The following CHTF18 variants were observed in gnomAD, a reference collection of about 807,000 sequenced individuals.
CHTF18 encodes chromosome transmission fidelity factor 18.
Under a neutral mutation model 113.4 loss-of-function variants are expected in CHTF18, and 151 were observed. The observed-to-expected ratio is 1.33, with a 90% confidence interval of 1.17 to 1.52. The LOEUF (loss-of-function observed/expected upper bound fraction) is 1.52. CHTF18 is among the 40% of genes most tolerant of loss of function. The pLI, the probability that CHTF18 is intolerant of heterozygous loss-of-function variation, is 0.00. For missense variants in CHTF18, 1,982 were observed against 1,381.6 expected (o/e 1.43, Z -6.89); for synonymous variants, 916 against 598.8 (o/e 1.53, Z -7.74).
chr16:789,022 G>A lies in CHTF18; in HGVS notation c.183G>A (p.Ala61=). Residue 61 remains alanine, a synonymous_variant, in exon 2 of 22, where the codon GCG becomes GCA. Transcript: ENST00000262315. ...AGGAGGCCCTTGCCAGAGGGGACGCGGCCTCCAGTCCCGCCCCAGCCGCAT... is the reference window on the plus strand; with the variant it reads ...AGGAGGCCCTTGCCAGAGGGGACGCAGCCTCCAGTCCCGCCCCAGCCGCAT... ...TFEEALARGD[A]ASSPAPAASV... 1 of 1,537,340 alleles carries A rather than the reference G, an allele frequency of 6.5e-7. No homozygotes were observed. The highest frequency in any genetic ancestry group is 8.7e-7 in the Non-Finnish European group (1 of 1,143,600).
chr16:793,944 G>A lies in CHTF18; in HGVS notation c.1803-110G>A, dbSNP rs1016752686. On this transcript the variant is annotated intron_variant, in intron 14 of 21. Coordinates refer to ENST00000262315, the MANE Select transcript of CHTF18 (RefSeq NM_022092.3). ...GAGGCAGCAAGGGCCCTGCTGAGAA[G>A]AATGAAGTGGGTGGCAGCTCTGATG... 4.7e-6 allele frequency: 6 copies of A among 1,281,408 alleles called. No individual in the cohort carries two copies. The African/African-American group carries it at 7.3e-5, about 16-fold the overall frequency. 79.4% of individuals were successfully genotyped at this position (1,281,408 alleles called of 1,614,324 possible). A position where few individuals can be genotyped will look rare whatever the true frequency, so the allele number is the denominator to read the frequency against.
chr16:794,088 GAC>G lies in CHTF18; in HGVS notation c.1842_1843del (p.Leu615ProfsTer4). On this transcript the variant is annotated frameshift_variant, in exon 15 of 22. Transcript: ENST00000262315. LOFTEE classifies it high-confidence loss of function. ...GGGCCAGGACCCCGCCCTGCCTGCT[GAC>G]ACACTCCTGCTGGGTGACGGGGACG... ...RVGQDPALPADTLLLGDGDAG... is the reference protein window; with the variant it reads ...RVGQDPALPAXTLLLGDGDAG... 2 of 1,612,324 alleles carry G rather than the reference GAC, an allele frequency of 1.2e-6. No homozygotes were observed. The highest frequency in any genetic ancestry group is 1.7e-6 in the Non-Finnish European group (2 of 1,179,734).
At chr16:789,458 G>T (rs1380663175) in intron 3 of CHTF18, 89 bp from the exon 4 acceptor site, 29 of 1,537,066 alleles carry the variant, frequency 1.9e-5, no homozygotes, top group East Asian at 9.0e-5. Context: ...GGTGGGGAGG[G>T]TTCCATGGCT....
chr16:794,307 G>T, intron 15 of CHTF18, 106 bp downstream of exon 15: 3 of 1,347,154 alleles, frequency 2.2e-6, no homozygotes, highest in Non-Finnish European at 3.0e-6. Context: ...GCGCTTTGGG[G>T]GTGCTGAGAG....
rs1829209252 is a variant in CHTF18, at chr16:792,324, G to A, written c.1303G>A (p.Asp435Asn). The change falls in exon 10 of 22, where the codon GAT (aspartate) becomes AAT (asparagine). Residue 435 changes from aspartate to asparagine, a missense_variant. Transcript: ENST00000262315. Reference sequence around the variant, plus strand: ...CGGGAAGCCCAACTGCCTGGTCATCGATGAGATCGACGGGGCCCCCGTGGT... The same window carrying A: ...CGGGAAGCCCAACTGCCTGGTCATCAATGAGATCGACGGGGCCCCCGTGGT... ...AGGKPNCLVI[D>N]EIDGAPVAAI... 2 of 1,552,872 alleles carry A rather than the reference G, an allele frequency of 1.3e-6. No individual in the cohort carries two copies. Among genetic ancestry groups the A allele is most frequent in the Non-Finnish European group, 8.7e-7 (1 of 1,148,582 alleles).
chr16:792,049 G>C, intron 9 of CHTF18, 101 bp downstream of exon 9: 3 of 1,545,648 alleles, frequency 1.9e-6, no homozygotes, highest in Non-Finnish European at 2.6e-6. Context: ...CGTCTTGAGG[G>C]TGGTGGGGGC....
intron 8 of CHTF18, 99 bp downstream of exon 8, chr16:791,469 G>A: frequency 2.1e-6 from 3 of 1,462,060 alleles, no homozygotes; most frequent in East Asian, 2.5e-5. Context: ...AGCCGTGGGT[G>A]TGGTGACGTG....
chr16:792,597 G>C lies in CHTF18; in HGVS notation c.1478+7G>C. The C allele has an allele frequency of 6.3e-7, 1 of 1,594,886 alleles. No homozygotes were observed. Among genetic ancestry groups the C allele is most frequent in the South Asian group, 1.1e-5 (1 of 89,914 alleles). On this transcript the variant is annotated splice_region_variant and intron_variant, in intron 11 of 21. Transcript: ENST00000262315. Reference sequence around the variant, plus strand: ...TCTGCATTTGCAATGACCAGTGAGTGCATGGGCGGGCGCCACAGTCAGGAG... The same window carrying C: ...TCTGCATTTGCAATGACCAGTGAGTCCATGGGCGGGCGCCACAGTCAGGAG...
rs764039390 is a variant in CHTF18, at chr16:789,623, C to T, written c.514C>T (p.Pro172Ser). ...AARNPVLRRP[P>S]ILEDYVHVTS... Reference sequence around the variant, plus strand: ...CCGCAATCCCGTCCTGAGGCGGCCCCCCATCTTGGAGGACTACGTCCACGT... The same window carrying T: ...CCGCAATCCCGTCCTGAGGCGGCCCTCCATCTTGGAGGACTACGTCCACGT... The change falls in exon 4 of 22, where the codon CCC becomes TCC. Residue 172 changes from proline (P) to serine (S), a missense_variant. Physicochemically the swap from Pro to Ser is moderately conservative, Grantham distance 74 (BLOSUM62 -1). Transcript: ENST00000262315. The T allele has an allele frequency of 9.9e-6, 16 of 1,608,572 alleles. No individual in the cohort carries two copies. The highest frequency in any genetic ancestry group is 1.6e-4 in the Middle Eastern group (1 of 6,082).
In CHTF18 at chr16:796,735, C is replaced by T. The variant is rs1596773268; in HGVS notation, c.2475C>T (p.Cys825=). 3 of 1,602,486 alleles carry T rather than the reference C, an allele frequency of 1.9e-6. No individual in the cohort carries two copies. Among genetic ancestry groups the T allele is most frequent in the Middle Eastern group, 1.7e-4 (1 of 6,046 alleles). The change falls in exon 19 of 22, where the codon TGC becomes TGT. Residue 825 remains cysteine (C), a synonymous_variant. Transcript: ENST00000262315. The part of the protein sequence containing the change: ...YRLEPNVEEL[C]RFPELPARKP... Reference sequence around the variant, plus strand: ...TGAGCAGGAACGTGGAGGAACTCTGCCGCTTCCCTGAGCTGCCTGCCCGCA... The same window carrying T: ...TGAGCAGGAACGTGGAGGAACTCTGTCGCTTCCCTGAGCTGCCTGCCCGCA...
chr16:792,008 T>C (rs776644107), intron 9 of CHTF18, 60 bp downstream of exon 9: 8 of 1,558,538 alleles, frequency 5.1e-6, no homozygotes, highest in Non-Finnish European at 6.9e-6. Context: ...TGAGTTCTGG[T>C]GGCGGACCTG....
At position 795,852 on chromosome 16, in the gene CHTF18, G is replaced by A. The variant is rs1392886321; in HGVS notation, c.2325+18G>A. ...TCCGCCCCGTGAGTGCCGTCCCCGG[G>A]GTGGGGGATTCCCCGCCTGCTGCCC... On this transcript the variant is annotated intron_variant, in intron 17 of 21. Coordinates refer to ENST00000262315, the MANE Select transcript of CHTF18 (RefSeq NM_022092.3). The A allele has an allele frequency of 3.1e-6, 5 of 1,607,878 alleles. No individual in the cohort carries two copies. Among genetic ancestry groups the A allele is most frequent in the Non-Finnish European group, 3.4e-6 (4 of 1,177,640 alleles).
At chr16:791,669 AG>A in intron 8 of CHTF18, 181 bp from the exon 9 acceptor site, 1 of 1,426,628 alleles carries the variant, frequency 7.0e-7, no homozygotes, top group South Asian at 1.5e-5. Context: ...TGCTTTGTGT[AG>A]GTTTTTTTTT....
rs190105039 is a variant in CHTF18 at position 797,913 on chromosome 16, C to G, written c.2866C>G (p.Arg956Gly). Residue 956 changes from arginine (R) to glycine (G), a missense_variant, in exon 22 of 22, where the codon CGC (arginine) becomes GGC (glycine). Physicochemically the swap from Arg to Gly is moderately radical, Grantham distance 125. Coordinates refer to ENST00000262315, the MANE Select transcript of CHTF18 (RefSeq NM_022092.3). Reference protein sequence around the residue: ...TAVGRSEVWFRFNEGVSNAVR... With the variant: ...TAVGRSEVWFGFNEGVSNAVR... ...GGTGGGCAGGAGCGAGGTCTGGTTC[C>G]GCTTCAACGAGGGTGTCTCCAACGC... 4 of 1,612,150 alleles carry G rather than the reference C, an allele frequency of 2.5e-6. No homozygotes were observed. The highest frequency in any genetic ancestry group is 3.4e-6 in the Non-Finnish European group (4 of 1,179,710).
intron 8 of CHTF18, 39 bp from the exon 9 acceptor site, chr16:791,812 G>A (rs2151643779): frequency 6.4e-7 from 1 of 1,565,648 alleles, no homozygotes; most frequent in Non-Finnish European, 8.6e-7. Flanking sequence ...CGTCCTGTAG[G>A]TGCGGTGCAC....
Position 795,776 on chromosome 16 carries a change from C to CCCTGCTCCTCGATGCCCTCTG in CHTF18, c.2277_2297dup (p.Ala761_Asp767dup). The CCCTGCTCCTCGATGCCCTCTG allele has an allele frequency of 3.7e-6, 6 of 1,609,788 alleles. No homozygotes were observed. Among genetic ancestry groups the CCCTGCTCCTCGATGCCCTCTG allele is most frequent in the Non-Finnish European group, 5.1e-6 (6 of 1,178,988 alleles). On this transcript the variant is annotated inframe_insertion, in exon 17 of 22. Transcript: ENST00000262315. ...ACGCGCAGCCGGGCCACGCCCCAGG[C>CCCTGCTCCTCGATGCCCTCTG]CCTGCTCCTCGATGCCCTCTGCCTG...
intron 9 of CHTF18, 49 bp from the exon 10 acceptor site, chr16:792,175 C>T (rs543076321): frequency 9.1e-6 from 14 of 1,540,688 alleles, no homozygotes; most frequent in Admixed American, 6.0e-5. Context: ...GGAGGCTGCC[C>T]TGCCAGGGAC....
intron 14 of CHTF18, chr16:793,551 C>T (rs913692434): frequency 1.7e-6 from 1 of 577,656 alleles, no homozygotes; most frequent in Non-Finnish European, 3.1e-6. Context: ...CAGGGCGCCC[C>T]TTGACTCAGC....
intron 14 of CHTF18, 151 bp from the exon 15 acceptor site, chr16:793,899 TTGGC>T: frequency 1.2e-6 from 1 of 806,982 alleles, no homozygotes; most frequent in Non-Finnish European, 1.9e-6. Flanking sequence ...GGGCGTGTCT[TTGGC>T]TGTCTCCACC....
Sources: gnomAD v4.1 joint callset for allele counts on GRCh38, gnomAD v4.1.1 for gene constraint, MANE v1.5 for transcripts, NCBI Gene and HGNC (gene_info 2026-07-23, HGNC 2026-07-21) for gene names.